NECAB2: variants seen among roughly 807,000 people sequenced by gnomAD.
NECAB2 encodes the protein N-terminal EF-hand calcium-binding protein 2.
NECAB2 carries 68 observed loss-of-function variants against 51.9 expected under a neutral mutation model. The ratio of observed to expected loss-of-function variants is 1.31; its 90% CI spans 1.08 to 1.60. The LOEUF (loss-of-function observed/expected upper bound fraction) is 1.60. Among genes scored for constraint, NECAB2 ranks in the 40% most tolerant of loss-of-function variants. The pLI is 0.00. For missense variants in NECAB2, 854 were observed against 490.3 expected, an observed-to-expected ratio of 1.74 and a Z score of -7.00; for synonymous variants, 329 against 203.5, an observed-to-expected ratio of 1.62 and a Z score of -5.25.
intron 6 of NECAB2, among the ~76,000 whole-genome samples, chr16:83,992,887 G>T (rs892874890): frequency 6.6e-6 from 1 of 152,132 alleles, no homozygotes; most frequent in African/African-American, 2.4e-5. Context: ...GGGTTTTCCT[G>T]TTACTATCTT....
At chr16:83,979,975 A>G (rs1021690473) in intron 3 of NECAB2, among the ~76,000 whole-genome samples, 2 of 152,106 alleles carry the variant, frequency 1.3e-5, no homozygotes, top group African/African-American at 4.8e-5. Context: ...ACTTGCCAGA[A>G]CTCTGAATAT....
Position 83,968,849 on chromosome 16 carries a change from C to A in NECAB2, c.201C>A (p.Asp67Glu). The A allele has an allele frequency of 8.9e-7, 1 of 1,124,108 alleles. No individual in the cohort carries two copies. The highest frequency in any genetic ancestry group is 4.7e-5 in the East Asian group (1 of 21,100). The allele number at this position is 1,124,108 out of a possible 1,614,324, so 69.6% of individuals were successfully genotyped here. The part of the protein sequence containing the change: ...SPRGGTAVIL[D>E]IFRRADKNDD... ...GCGGGGGCACCGCCGTCATCCTGGA[C>A]GTGAGTACGCGCCGGCCGGGACCCC... The change falls in exon 1 of 13, where the codon GAC (aspartate) becomes GAA (glutamate). Residue 67 changes from aspartate to glutamate, a missense_variant and splice_region_variant. By Grantham distance (45) the Asp-to-Glu change is conservative (BLOSUM62 2). Transcript: ENST00000305202.
intron 1 of NECAB2, among the ~76,000 whole-genome samples, chr16:83,969,068 C>T (rs1303078819): frequency 1.3e-5 from 2 of 151,686 alleles, no homozygotes; most frequent in Non-Finnish European, 2.9e-5. Context: ...GACCCCCCTC[C>T]TCCGCCCCTC....
intron 5 of NECAB2, among the ~76,000 whole-genome samples, chr16:83,982,919 A>T (rs2084507357): frequency 6.7e-6 from 1 of 148,978 alleles, no homozygotes. Context: ...TCCAGGCTGG[A>T]GTGCAGTGAT....
chr16:83,997,935 T>G lies in NECAB2; in HGVS notation c.850-270T>G, dbSNP rs186737351. 1.3e-3 allele frequency among the ~76,000 whole-genome samples: 197 copies of G among 152,280 alleles called. 1 individual carries two copies. Among genetic ancestry groups the G allele is most frequent in the Admixed American group, 6.0e-3 (91 of 15,294 alleles). On this transcript the variant is annotated intron_variant, in intron 9 of 12. Transcript: ENST00000305202. ...CTGTGTCTCCAGGCCCTGGAGGCTGTGCAGGTGGTTGTGGACATGGATGGG... is the reference window on the plus strand; with the variant it reads ...CTGTGTCTCCAGGCCCTGGAGGCTGGGCAGGTGGTTGTGGACATGGATGGG...
intron 8 of NECAB2, 116 bp downstream of exon 8, chr16:83,994,804 A>G: frequency 1.7e-6 from 2 of 1,193,364 alleles, no homozygotes; most frequent in Admixed American, 2.2e-5. Context: ...AACCATGAAA[A>G]AGACATCCCC....
intron 5 of NECAB2, among the ~76,000 whole-genome samples, chr16:83,984,005 T>G (rs539388242): frequency 5.8e-4 from 87 of 150,364 alleles, no homozygotes; most frequent in Non-Finnish European, 3.7e-4. Flanking sequence ...GGTTTTTTTT[T>G]TTTTTTTTTT....
intron 2 of NECAB2, among the ~76,000 whole-genome samples, chr16:83,972,639 C>T (rs982655817): frequency 3.9e-5 from 6 of 152,198 alleles, no homozygotes; most frequent in Non-Finnish European, 8.8e-5. Context: ...CCATAGCAGC[C>T]CAGAGAGGTT....
At chr16:83,972,436 ATGAC>A (rs1258448559) in intron 2 of NECAB2, among the ~76,000 whole-genome samples, 6 of 152,214 alleles carry the variant, frequency 3.9e-5, no homozygotes, top group African/African-American at 1.4e-4. Context: ...GCCAAGAACA[ATGAC>A]TGGCCGTGGT....
intron 2 of NECAB2, among the ~76,000 whole-genome samples, chr16:83,977,498 C>G (rs1016931320): frequency 6.6e-6 from 1 of 152,068 alleles, no homozygotes; most frequent in African/African-American, 2.4e-5. Context: ...AAAAGTGTCC[C>G]CAGAGCAACT....
intron 12 of NECAB2, 86 bp from the exon 13 acceptor site, chr16:84,002,232 C>T (rs373591626): frequency 3.6e-5 from 55 of 1,513,958 alleles, no homozygotes; most frequent in South Asian, 1.0e-4. Context: ...AGCCATCCCC[C>T]GACCTGTCAT....
intron 9 of NECAB2, among the ~76,000 whole-genome samples, chr16:83,997,725 C>T (rs557107379): frequency 4.6e-5 from 7 of 151,986 alleles, no homozygotes; most frequent in Non-Finnish European, 4.4e-5. Flanking sequence ...AAACTCCTAT[C>T]CTCATGATCT....
chr16:83,993,111 A>G (rs1475262045), intron 6 of NECAB2, among the ~76,000 whole-genome samples: 1 of 152,146 alleles, frequency 6.6e-6, no homozygotes, highest in East Asian at 1.9e-4. Context: ...GAACTTCCCC[A>G]AATCTCAGCT....
In NECAB2 at chr16:83,994,022, C is replaced by T. The variant is rs937717097; in HGVS notation, c.597-280C>T. Among the ~76,000 whole-genome samples, 30 of 152,324 alleles carry T rather than the reference C, an allele frequency of 2.0e-4. No individual in the cohort carries two copies. In the Middle Eastern group the frequency reaches 0.014, roughly 69 times the overall value. ...GGGGTGGGTCCCTGGCTCAGCCTCA[C>T]TCTGGAACTGAATCTCTTGGGGAAA... On this transcript the variant is annotated intron_variant, in intron 6 of 12. Transcript: ENST00000305202.
chr16:83,980,958 G>A (rs12102668), intron 4 of NECAB2, 72 bp from the exon 5 acceptor site: 203,720 of 1,604,576 alleles, frequency 0.13, 25,885 homozygotes, highest in African/African-American at 0.67. Flanking sequence ...GGTAGCGCAG[G>A]TGGGAGGTGC....
intron 5 of NECAB2, among the ~76,000 whole-genome samples, chr16:83,989,653 G>A (rs192517824): frequency 1.1e-3 from 170 of 152,214 alleles, no homozygotes; most frequent in Non-Finnish European, 2.0e-3. Flanking sequence ...TCATCATCCC[G>A]TCCTTGAGCG....
intron 3 of NECAB2, among the ~76,000 whole-genome samples, chr16:83,979,536 C>T (rs537541382): frequency 0.02 from 3,029 of 152,290 alleles, 39 homozygotes; most frequent in African/African-American, 0.032. Context: ...AGGCTCCAGA[C>T]TGCAGAATGG....
chr16:84,002,370 G>A lies in NECAB2; in HGVS notation c.*24G>A. The A allele has an allele frequency of 1.2e-6, 2 of 1,612,262 alleles. No homozygotes were observed. Among genetic ancestry groups the A allele is most frequent in the Non-Finnish European group, 8.5e-7 (1 of 1,178,920 alleles). ...GACAGCCTCCCAGAGGCCCGTGGAGGAGCCCACCAGCCCCTTCTTCTTGTG... is the reference window on the plus strand; with the variant it reads ...GACAGCCTCCCAGAGGCCCGTGGAGAAGCCCACCAGCCCCTTCTTCTTGTG... On this transcript the variant is annotated 3_prime_UTR_variant, in exon 13 of 13. Transcript: ENST00000305202.
intron 5 of NECAB2, 144 bp from the exon 6 acceptor site, chr16:83,990,350 G>T: frequency 9.5e-7 from 1 of 1,050,072 alleles, no homozygotes; most frequent in South Asian, 1.5e-5. Context: ...TCTAAGACTG[G>T]ACCCCAGGAG....
Sources: gnomAD v4.1 joint callset for allele counts (sites outside exome capture counted in the v4.1 genomes callset) on GRCh38, gnomAD v4.1.1 for gene constraint, MANE v1.5 for transcripts, NCBI Gene and HGNC (gene_info 2026-07-23, HGNC 2026-07-21) for gene names.